The following FRMD6 variants were observed in gnomAD, a reference collection of about 807,000 sequenced individuals.
FRMD6 encodes the protein FERM domain-containing protein 6.
Under a neutral mutation model 73.2 loss-of-function variants are expected in FRMD6, and 37 were observed. That is an observed-to-expected ratio of 0.51 (90% CI 0.39 to 0.66). The LOEUF (loss-of-function observed/expected upper bound fraction) is 0.66, where lower values mean the gene tolerates loss of function less well. Ranked by LOEUF, FRMD6 falls within the 30% of genes least tolerant of loss-of-function variation. The pLI, the probability that FRMD6 is intolerant of heterozygous loss-of-function variation, is 0.00. For synonymous variants in FRMD6, 273 were observed against 282.2 expected, an observed-to-expected ratio of 0.97 and a Z score of 0.33; for missense variants, 714 against 780.5, an observed-to-expected ratio of 0.91 and a Z score of 1.02.
intron 2 of FRMD6, among the ~76,000 whole-genome samples, chr14:51,616,103 G>A (rs558225596): frequency 1.3e-5 from 2 of 152,292 alleles, no homozygotes; most frequent in African/African-American, 4.8e-5. Context: ...AAGACTGAGG[G>A]AAGGACAGCA....
chr14:51,668,058 T>C (rs1484916974), intron 1 of FRMD6, among the ~76,000 whole-genome samples: 1 of 152,198 alleles, frequency 6.6e-6, no homozygotes, highest in Non-Finnish European at 1.5e-5. Flanking sequence ...GCCTTACATA[T>C]TCTTGAACTA....
intron 2 of FRMD6, among the ~76,000 whole-genome samples, chr14:51,587,790 T>TA (rs755323516): frequency 4.6e-5 from 7 of 152,220 alleles, no homozygotes; most frequent in Non-Finnish European, 1.0e-4. Context: ...AGTATAAAAT[T>TA]AAAATATGAA....
At chr14:51,583,369 C>T (rs1956587) in intron 2 of FRMD6, among the ~76,000 whole-genome samples, 147,626 of 152,324 alleles carry the variant, frequency 0.97, 71,561 homozygotes, top group African/African-American at 0.99. Context: ...TGCCAGGACA[C>T]AAAGTCATAG....
chr14:51,441,847 A>G, the FRMD6 span, among the ~76,000 whole-genome samples: 1 of 152,234 alleles, frequency 6.6e-6, no homozygotes, highest in Non-Finnish European at 1.5e-5. Flanking sequence ...TTTGAAAATT[A>G]CTGTAAATAT....
Position 51,729,134 on chromosome 14 carries a change from C to T in FRMD6, c.*1105C>T, listed in dbSNP as rs1257054540. 6.6e-6 allele frequency: 1 copy of T among 152,162 alleles called. No individual in the cohort carries two copies. Among genetic ancestry groups the T allele is most frequent in the Non-Finnish European group, 1.5e-5 (1 of 68,036 alleles). 9.4% of individuals were successfully genotyped at this position (152,162 alleles called of 1,614,324 possible). A position where few individuals can be genotyped will look rare whatever the true frequency, so the allele number is the denominator to read the frequency against. Reference sequence around the variant, plus strand: ...GTGCCTTTGGCCATGATTCTCAACACTGATTGTATAACAGAATTTTGGGGG... The same window carrying T: ...GTGCCTTTGGCCATGATTCTCAACATTGATTGTATAACAGAATTTTGGGGG... On this transcript the variant is annotated 3_prime_UTR_variant, in exon 14 of 14. Transcript: ENST00000344768.
chr14:51,498,307 A>C (rs1220273075), intron 1 of FRMD6, among the ~76,000 whole-genome samples: 1 of 151,936 alleles, frequency 6.6e-6, no homozygotes, highest in African/African-American at 2.4e-5. Context: ...CTTTTTCCAG[A>C]CTCCAGAAAT....
chr14:51,670,183 C>T (rs766379108), intron 1 of FRMD6, among the ~76,000 whole-genome samples: 2 of 152,134 alleles, frequency 1.3e-5, no homozygotes, highest in Non-Finnish European at 2.9e-5. Flanking sequence ...TCAAGCAGTC[C>T]TCTGCCTCAG....
the FRMD6 span, among the ~76,000 whole-genome samples, chr14:51,414,744 G>T: frequency 7.2e-5 from 11 of 152,098 alleles, no homozygotes; most frequent in East Asian, 1.3e-3. Flanking sequence ...ATTACCTTGG[G>T]CATTATGGCC....
chr14:51,460,736 G>A, the FRMD6 span, among the ~76,000 whole-genome samples: 1 of 152,142 alleles, frequency 6.6e-6, no homozygotes, highest in Non-Finnish European at 1.5e-5. Flanking sequence ...GTTCTCAACT[G>A]GAACTAATCA....
At chr14:51,478,436 G>C in the FRMD6 span, among the ~76,000 whole-genome samples, 1 of 152,166 alleles carries the variant, frequency 6.6e-6, no homozygotes, top group South Asian at 2.1e-4. Flanking sequence ...TGATGTTTTG[G>C]TTAAAAAGTA....
the FRMD6 span, among the ~76,000 whole-genome samples, chr14:51,440,686 AAGAG>A: frequency 1.3e-5 from 2 of 151,600 alleles, no homozygotes; most frequent in Non-Finnish European, 2.9e-5. Flanking sequence ...TACTTGCTTA[AAGAG>A]AGAGAGAGAG....
chr14:51,598,094 G>A (rs542798043), intron 2 of FRMD6, among the ~76,000 whole-genome samples: 1 of 152,314 alleles, frequency 6.6e-6, no homozygotes, highest in East Asian at 1.9e-4. Context: ...GCTTTCAACT[G>A]TCTTTTGTGT....
intron 1 of FRMD6, among the ~76,000 whole-genome samples, chr14:51,676,805 T>C (rs111650947): frequency 1.3e-5 from 2 of 152,172 alleles, no homozygotes; most frequent in African/African-American, 4.8e-5. Context: ...TCTGAATATG[T>C]CATCCTACCT....
intron 1 of FRMD6, among the ~76,000 whole-genome samples, chr14:51,561,859 T>C (rs1170311239): frequency 6.6e-6 from 1 of 152,226 alleles, no homozygotes; most frequent in Non-Finnish European, 1.5e-5. Flanking sequence ...TCATCACAAA[T>C]TCATTTTGAT....
intron 2 of FRMD6, among the ~76,000 whole-genome samples, chr14:51,631,729 C>T (rs117848825): frequency 6.6e-6 from 1 of 152,310 alleles, no homozygotes; most frequent in East Asian, 1.9e-4. Flanking sequence ...AATCCTAACT[C>T]TGGCAGTAGA....
At chr14:51,599,235 AT>A (rs1296362690) in intron 2 of FRMD6, among the ~76,000 whole-genome samples, 1 of 152,062 alleles carries the variant, frequency 6.6e-6, no homozygotes. Context: ...AAAATAAGCA[AT>A]GGGAAAAGGA....
the FRMD6 span, among the ~76,000 whole-genome samples, chr14:51,449,966 G>A: frequency 6.6e-6 from 1 of 152,200 alleles, no homozygotes; most frequent in African/African-American, 2.4e-5. Flanking sequence ...GGCCTGTGGT[G>A]AAAAATAAAC....
intron 1 of FRMD6, among the ~76,000 whole-genome samples, chr14:51,493,664 C>A (rs376688186): frequency 1.3e-5 from 2 of 152,066 alleles, no homozygotes; most frequent in African/African-American, 4.8e-5. Flanking sequence ...AACTAATACA[C>A]GAGGAAATGT....
chr14:51,714,522 T>A (rs1897137888), intron 9 of FRMD6: 1 of 152,218 alleles, frequency 6.6e-6, no homozygotes, highest in African/African-American at 2.4e-5. Flanking sequence ...GTTCATAATA[T>A]CCCATAACTG....
Sources: allele counts gnomAD v4.1 joint callset (sites outside exome capture counted in the v4.1 genomes callset), GRCh38; gene constraint gnomAD v4.1.1; transcripts MANE v1.5; gene names NCBI Gene and HGNC (gene_info 2026-07-23, HGNC 2026-07-21).